The following MARS1 variants were observed in gnomAD, a reference collection of about 807,000 sequenced individuals.
The protein encoded by MARS1 is methionyl-tRNA synthetase 1.
In MARS1, 80 loss-of-function variants were observed where a neutral mutation model predicts 119.5. The observed-to-expected ratio is 0.67, with a 90% CI of 0.56 to 0.81. MARS1 has a LOEUF of 0.81. Among genes scored for constraint, MARS1 ranks in the 30% least tolerant of loss-of-function variants. The probability of loss-of-function intolerance (pLI) is 0.00; values close to 1 mark genes in which losing one functional copy is unlikely to be tolerated. For synonymous variants in MARS1, 418 were observed against 433.4 expected (o/e 0.96, Z 0.44); for missense variants, 945 against 1,116.5 (o/e 0.85, Z 2.19).
chr12:57,492,224 C>T (rs907673159), intron 7 of MARS1, among the ~76,000 whole-genome samples: 15 of 140,486 alleles, frequency 1.1e-4, no homozygotes, highest in African/African-American at 3.7e-4. Context: ...GGTTGCAGTG[C>T]GCCAAGATCA....
chr12:57,498,711 T>G, intron 9 of MARS1, 88 bp downstream of exon 9: 24 of 1,244,778 alleles, frequency 1.9e-5, no homozygotes, highest in Non-Finnish European at 2.7e-5. Context: ...GGAACCCGGG[T>G]GGCTGTCTGG....
intron 7 of MARS1, among the ~76,000 whole-genome samples, chr12:57,491,468 A>C (rs892453279): frequency 1.3e-5 from 2 of 152,136 alleles, no homozygotes; most frequent in South Asian, 2.1e-4. Flanking sequence ...TGTATTATTC[A>C]TTCCCTTACC....
At chr12:57,508,699 A>AGGTAGAGGGTAGAG (rs1555167935) in intron 11 of MARS1, among the ~76,000 whole-genome samples, 27,876 of 145,562 alleles carry the variant, frequency 0.19, 2,961 homozygotes, top group East Asian at 0.28. Flanking sequence ...GTAGAGGTAG[A>AGGTAGAGGGTAGAG]GGTAGAGGGT....
intron 7 of MARS1, among the ~76,000 whole-genome samples, chr12:57,493,598 A>AT (rs1876254010): frequency 7.6e-5 from 1 of 13,118 alleles, no homozygotes; most frequent in African/African-American, 7.3e-4. Flanking sequence ...ATATTATAAT[A>AT]TATAATATAT....
intron 10 of MARS1, among the ~76,000 whole-genome samples, chr12:57,503,596 G>A (rs921468556): frequency 1.4e-4 from 21 of 150,518 alleles, no homozygotes; most frequent in African/African-American, 3.9e-4. Flanking sequence ...GCAGCCTGGC[G>A]TGCGGTGGCA....
intron 10 of MARS1, among the ~76,000 whole-genome samples, chr12:57,502,704 TCAAAAAAAAAAAAAAAAAGCAACAACAA>T (rs1876977773): frequency 3.6e-5 from 2 of 54,856 alleles, no homozygotes; most frequent in African/African-American, 7.6e-5. Context: ...AGATTTTGTC[TCAAAAAAAAAAAAAAAAAGCAACAACAA>T]CAAAAAAAAA....
chr12:57,512,084 G>C lies in MARS1; in HGVS notation c.1616G>C (p.Trp539Ser). 6.2e-7 allele frequency: 1 copy of C among 1,614,146 alleles called. No individual in the cohort carries two copies. Among genetic ancestry groups the C allele is most frequent in the Non-Finnish European group, 8.5e-7 (1 of 1,180,010 alleles). The change falls in exon 13 of 21, where the codon TGG becomes TCG. Residue 539 changes from tryptophan to serine, a missense_variant. By Grantham distance (177) the Trp-to-Ser change is radical. Transcript: ENST00000262027. ...AACTACACAGACCAGTGGGAGAGAT[G>C]GTGGAAGAACCCAGAGCAAGTGAGC... The part of the protein sequence containing the change: ...TANYTDQWER[W>S]WKNPEQVDLY...
chr12:57,494,494 ATTTTTTTTT>A (rs59160934), intron 7 of MARS1, among the ~76,000 whole-genome samples: 2 of 95,488 alleles, frequency 2.1e-5, no homozygotes, highest in African/African-American at 4.1e-5. Context: ...CGCCTGGCTA[ATTTTTTTTT>A]TTTTTTTTTT....
Position 57,489,628 on chromosome 12 carries a change from CAG to C in MARS1, c.414+73_414+74del. On this transcript the variant is annotated intron_variant, in intron 4 of 20. Coordinates refer to ENST00000262027, the MANE Select transcript of MARS1 (RefSeq NM_004990.4). ...AAGGATTAAGAGGGAAGACTGTATT[CAG>C]AGTGTTCGAACCCAACACTGCCACT... 5.0e-6 allele frequency: 8 copies of C among 1,593,932 alleles called. No individual in the cohort carries two copies. The South Asian group carries it at 5.6e-5, about 11-fold the overall frequency.
chr12:57,490,845 C>T (rs1412562151), intron 7 of MARS1, among the ~76,000 whole-genome samples: 1 of 145,324 alleles, frequency 6.9e-6, no homozygotes, highest in East Asian at 2.0e-4. Context: ...TCCATCTGTC[C>T]CATCTGCACC....
Position 57,516,598 on chromosome 12 carries a change from GA to G in MARS1, c.*20del. On this transcript the variant is annotated 3_prime_UTR_variant, in exon 21 of 21. Coordinates refer to ENST00000262027, the MANE Select transcript of MARS1 (RefSeq NM_004990.4). Reference sequence around the variant, plus strand: ...AAAAAGTAAAAGACCTTGGCTCATAGAAAGTCACTTTAATAGATAGGGACAG... The same window carrying G: ...AAAAAGTAAAAGACCTTGGCTCATAGAAGTCACTTTAATAGATAGGGACAG... 4 of 1,559,248 alleles carry G rather than the reference GA, an allele frequency of 2.6e-6. No homozygotes were observed. Among genetic ancestry groups the G allele is most frequent in the Non-Finnish European group, 3.4e-6 (4 of 1,159,744 alleles).
intron 7 of MARS1, among the ~76,000 whole-genome samples, chr12:57,496,257 G>C (rs1399799644): frequency 6.6e-6 from 1 of 151,140 alleles, no homozygotes; most frequent in African/African-American, 2.4e-5. Context: ...TCTGCCTCCT[G>C]GGTTCAAGTG....
intron 7 of MARS1, among the ~76,000 whole-genome samples, chr12:57,491,082 A>G (rs1339960051): frequency 3.3e-5 from 5 of 151,950 alleles, no homozygotes; most frequent in Non-Finnish European, 7.4e-5. Flanking sequence ...TTGCCCAGAC[A>G]GGCTGGTCTC....
intron 7 of MARS1, among the ~76,000 whole-genome samples, chr12:57,491,177 C>G (rs1218351641): frequency 6.6e-6 from 1 of 152,030 alleles, no homozygotes; most frequent in African/African-American, 2.4e-5. Flanking sequence ...CGGCCCTGCA[C>G]CCATGTTTTT....
intron 7 of MARS1, among the ~76,000 whole-genome samples, chr12:57,495,149 G>C (rs1358523866): frequency 2.7e-5 from 4 of 146,660 alleles, no homozygotes; most frequent in African/African-American, 1.0e-4. Context: ...CCCACCTCCC[G>C]GATGGGGTGG....
intron 7 of MARS1, among the ~76,000 whole-genome samples, chr12:57,494,877 A>C (rs1476442231): frequency 6.6e-6 from 1 of 152,156 alleles, no homozygotes; most frequent in African/African-American, 2.4e-5. Context: ...CTTAGTACAG[A>C]ACAAAATGGA....
At chr12:57,491,863 T>G (rs1875979504) in intron 7 of MARS1, among the ~76,000 whole-genome samples, 1 of 152,248 alleles carries the variant, frequency 6.6e-6, no homozygotes, top group African/African-American at 2.4e-5. Context: ...AGTCCCTGCA[T>G]GCTAGGAGCT....
chr12:57,491,580 T>C (rs1278068359), intron 7 of MARS1, among the ~76,000 whole-genome samples: 2 of 152,066 alleles, frequency 1.3e-5, no homozygotes, highest in African/African-American at 2.4e-5. Context: ...TCATCTGTTA[T>C]CCTCTTTCCC....
intron 9 of MARS1, among the ~76,000 whole-genome samples, chr12:57,499,059 G>A (rs1310062996): frequency 4.0e-5 from 6 of 151,524 alleles, no homozygotes; most frequent in East Asian, 1.9e-4. Flanking sequence ...CGAGGCGGGC[G>A]GCTCACCGGA....
Sources: allele counts gnomAD v4.1 joint callset (sites outside exome capture counted in the v4.1 genomes callset), GRCh38; gene constraint gnomAD v4.1.1; transcripts MANE v1.5; gene names NCBI Gene and HGNC (gene_info 2026-07-23, HGNC 2026-07-21).